EEF1A2: variants seen among roughly 807,000 people sequenced by gnomAD.
EEF1A2 encodes eukaryotic translation elongation factor 1 alpha 2, also known as elongation factor 1-alpha 2.
In EEF1A2, 5 loss-of-function variants were observed where a neutral mutation model predicts 39.3. The ratio of observed to expected loss-of-function variants is 0.13; its 90% CI spans 0.07 to 0.27. The LOEUF is 0.27. Ranked by LOEUF, EEF1A2 falls within the 10% of genes least tolerant of loss-of-function variation. The pLI is 1.00. For synonymous variants in EEF1A2, 287 were observed against 293.7 expected (o/e 0.98, Z 0.23); for missense variants, 218 against 681.4 (o/e 0.32, Z 7.57).
chr20:63,492,331 TAGAA>T (rs1361181413), intron 5 of EEF1A2, among the ~76,000 whole-genome samples: 1 of 145,590 alleles, frequency 6.9e-6, no homozygotes, highest in African/African-American at 2.6e-5. Context: ...GATGGATAGA[TAGAA>T]GGATGGATGG....
intron 5 of EEF1A2, 35 bp from the exon 6 acceptor site, chr20:63,490,770 G>T: frequency 6.3e-7 from 1 of 1,574,864 alleles, no homozygotes. Context: ...GGAAGGTGGG[G>T]CCCGAGGGGA....
rs772263323 is a variant in EEF1A2 at position 63,494,940 on chromosome 20, G to A, written c.486C>T (p.Tyr162=). 3.7e-6 allele frequency: 6 copies of A among 1,612,824 alleles called. No individual in the cohort carries two copies. Residue 162 remains tyrosine, a synonymous_variant, in exon 4 of 8, where the codon TAC becomes TAT. Transcript: ENST00000217182. ...CGATCTCGTCGTAGCGCTTCTCGCT[G>A]TAGGCCGGCTCTGTGGAGTCCATTT... ...VNKMDSTEPA[Y]SEKRYDEIVK...
chr20:63,490,299 T>C lies in EEF1A2; in HGVS notation c.1029+180A>G. The C allele has an allele frequency of 6.9e-6, 5 of 726,352 alleles. No homozygotes were observed. The South Asian group carries it at 7.7e-5, about 11-fold the overall frequency. The allele number at this position is 726,352 out of a possible 1,614,324, so 45.0% of individuals were successfully genotyped here. ...CCAGGATGGACTTGATCTCTTGACC[T>C]CGTGATCTGCCCGCCTCGGCCTCTC... On this transcript the variant is annotated intron_variant, in intron 6 of 7. Coordinates refer to ENST00000217182, the MANE Select transcript of EEF1A2 (RefSeq NM_001958.5).
Position 63,497,791 on chromosome 20 carries a change from G to T in EEF1A2, c.-28C>A. On this transcript the variant is annotated 5_prime_UTR_variant, in exon 2 of 8. Transcript: ENST00000217182. This position sits in a 1 kb window ranked among gnomAD's most constrained non-coding sequence, Gnocchi z 7.3. ...TGCTGGGAGTGTGAGGGGCTGGCGG[G>T]ACCCGGGGTGCTCTGGCTCAGGGCG... 1.9e-6 allele frequency: 3 copies of T among 1,603,714 alleles called. No individual in the cohort carries two copies. Among genetic ancestry groups the T allele is most frequent in the Non-Finnish European group, 2.6e-6 (3 of 1,174,454 alleles).
In EEF1A2 at chr20:63,497,345, T is replaced by C. The variant is rs2082423094; in HGVS notation, c.144+275A>G. ...CAGCCCCAGCTCAACATGGCAGAGTTCCAGAGCCTTCTGCAGACCCTCCCA... is the reference window on the plus strand; with the variant it reads ...CAGCCCCAGCTCAACATGGCAGAGTCCCAGAGCCTTCTGCAGACCCTCCCA... On this transcript the variant is annotated intron_variant, in intron 2 of 7. Transcript: ENST00000217182. The surrounding 1 kb of genome is among the most constrained non-coding windows in gnomAD (Gnocchi z 7.3). 1 of 383,214 alleles carries C rather than the reference T, an allele frequency of 2.6e-6. No homozygotes were observed. Among genetic ancestry groups the C allele is most frequent in the African/African-American group, 2.1e-5 (1 of 48,044 alleles). The allele number at this position is 383,214 out of a possible 1,614,324, so 23.7% of individuals were successfully genotyped here.
intron 3 of EEF1A2, among the ~76,000 whole-genome samples, 165 bp from the exon 4 acceptor site, chr20:63,495,266 G>C (rs2082411662): frequency 6.6e-6 from 1 of 152,236 alleles, no homozygotes; most frequent in African/African-American, 2.4e-5. Flanking sequence ...TTCAAGGGCA[G>C]CATGGGGGCT....
chr20:63,493,427 C>G, intron 4 of EEF1A2, 140 bp from the exon 5 acceptor site: 1 of 965,812 alleles, frequency 1.0e-6, no homozygotes, highest in Non-Finnish European at 1.5e-6. Context: ...ATTTCCCCAC[C>G]CTGCTCCTCC....
chr20:63,492,118 A>G (rs2145941817), intron 5 of EEF1A2, among the ~76,000 whole-genome samples: 1 of 87,430 alleles, frequency 1.1e-5, no homozygotes, highest in African/African-American at 3.7e-5. Flanking sequence ...GGATGGATGG[A>G]TGGATGGATG....
chr20:63,494,718 C>T, intron 4 of EEF1A2, 87 bp downstream of exon 4: 2 of 1,490,546 alleles, frequency 1.3e-6, no homozygotes, highest in Non-Finnish European at 1.8e-6. Context: ...AGGCCCTCGA[C>T]CTCCCCGTGC....
chr20:63,490,725 C>A lies in EEF1A2; in HGVS notation c.783G>T (p.Thr261=). 4 of 1,599,818 alleles carry A rather than the reference C, an allele frequency of 2.5e-6. No individual in the cohort carries two copies. The highest frequency in any genetic ancestry group is 1.7e-6 in the Non-Finnish European group (2 of 1,175,868). The change falls in exon 6 of 8, where the codon ACG becomes ACT. Residue 261 remains threonine (T), a synonymous_variant. Transcript: ENST00000217182. ...QDVYKIGGIG[T]VPVGRVETGI... ...CGGTCTCCACCCGGCCCACGGGCAC[C>A]GTGCCAATGCCTGCAGAGGGGAGGG...
At position 63,488,164 on chromosome 20, in the gene EEF1A2, G is replaced by A. The variant is rs1194742999; in HGVS notation, c.*134C>T. 1 of 456,644 alleles carries A rather than the reference G, an allele frequency of 2.2e-6. No individual in the cohort carries two copies. The highest frequency in any genetic ancestry group is 2.9e-6 in the Non-Finnish European group (1 of 349,086). The allele number at this position is 456,644 out of a possible 1,614,324, so 28.3% of individuals were successfully genotyped here. ...CGCTGACCGAGGGCCTCTGGCAAGCGGAGGTGCAGACATGCGCCTGGCGGG... is the reference window on the plus strand; with the variant it reads ...CGCTGACCGAGGGCCTCTGGCAAGCAGAGGTGCAGACATGCGCCTGGCGGG... On this transcript the variant is annotated 3_prime_UTR_variant, in exon 8 of 8. Coordinates refer to ENST00000217182, the MANE Select transcript of EEF1A2 (RefSeq NM_001958.5).
At position 63,498,912 on chromosome 20, in the gene EEF1A2, C is replaced by T. The variant is rs1039665639; in HGVS notation, c.-72+146G>A. Reference sequence around the variant, plus strand: ...CCCACCCCGGGCCCAGCCCGGCCGACGCGGGGACCCCCGGAAGCCGGACTC... The same window carrying T: ...CCCACCCCGGGCCCAGCCCGGCCGATGCGGGGACCCCCGGAAGCCGGACTC... On this transcript the variant is annotated intron_variant, in intron 1 of 7. Coordinates refer to ENST00000217182, the MANE Select transcript of EEF1A2 (RefSeq NM_001958.5). This position sits in a 1 kb window ranked among gnomAD's most constrained non-coding sequence, Gnocchi z 4.1. The T allele has an allele frequency of 2.0e-5, 3 of 149,718 alleles. No individual in the cohort carries two copies. Among genetic ancestry groups the T allele is most frequent in the Non-Finnish European group, 4.5e-5 (3 of 67,222 alleles). 9.3% of individuals were successfully genotyped at this position (149,718 alleles called of 1,614,324 possible).
In EEF1A2 at chr20:63,497,838, T is replaced by A; in HGVS notation, c.-71-4A>T. 10 of 1,545,560 alleles carry A rather than the reference T, an allele frequency of 6.5e-6. No individual in the cohort carries two copies. The highest frequency in any genetic ancestry group is 1.4e-5 in the African/African-American group (1 of 73,058). On this transcript the variant is annotated splice_polypyrimidine_tract_variant and splice_region_variant and intron_variant, in intron 1 of 7. Coordinates refer to ENST00000217182, the MANE Select transcript of EEF1A2 (RefSeq NM_001958.5). This position sits in a 1 kb window ranked among gnomAD's most constrained non-coding sequence, Gnocchi z 7.3. Reference sequence around the variant, plus strand: ...GGCGAGGGGGGCTGCAGTGATTCTGTGGGGCCAGTGGTGGTGGGGAGACCG... The same window carrying A: ...GGCGAGGGGGGCTGCAGTGATTCTGAGGGGCCAGTGGTGGTGGGGAGACCG...
Position 63,498,661 on chromosome 20 carries a change from T to G in EEF1A2, c.-72+397A>C. The G allele has an allele frequency of 7.0e-6, 1 of 142,476 alleles. No individual in the cohort carries two copies. The highest frequency in any genetic ancestry group is 2.5e-5 in the African/African-American group (1 of 39,802). The allele number at this position is 142,476 out of a possible 1,614,324, so 8.8% of individuals were successfully genotyped here. A position where few individuals can be genotyped will look rare whatever the true frequency, so the allele number is the denominator to read the frequency against. On this transcript the variant is annotated intron_variant, in intron 1 of 7. Coordinates refer to ENST00000217182, the MANE Select transcript of EEF1A2 (RefSeq NM_001958.5). The surrounding 1 kb of genome is among the most constrained non-coding windows in gnomAD (Gnocchi z 4.1). ...ACCCACGCTGCTCCTCGCGGACAGG[T>G]GGCTGGGGGAGGGAAAGAGGACAGA...
rs1476126712 is a variant in EEF1A2, at chr20:63,497,575, G to A, written c.144+45C>T. Reference sequence around the variant, plus strand: ...CCAAGCCTGGCCACCACGGGAGTTGGGGGTTCCTTCTCAGGGGGCCAAGAC... The same window carrying A: ...CCAAGCCTGGCCACCACGGGAGTTGAGGGTTCCTTCTCAGGGGGCCAAGAC... On this transcript the variant is annotated intron_variant, in intron 2 of 7. Coordinates refer to ENST00000217182, the MANE Select transcript of EEF1A2 (RefSeq NM_001958.5). The surrounding 1 kb of genome is among the most constrained non-coding windows in gnomAD (Gnocchi z 7.3). 1.3e-6 allele frequency: 2 copies of A among 1,584,630 alleles called. No homozygotes were observed. Among genetic ancestry groups the A allele is most frequent in the Non-Finnish European group, 1.7e-6 (2 of 1,163,160 alleles).
chr20:63,495,220 C>T (rs1160708051), intron 3 of EEF1A2, 119 bp from the exon 4 acceptor site: 9 of 1,416,466 alleles, frequency 6.4e-6, no homozygotes, highest in Non-Finnish European at 5.6e-6. Flanking sequence ...GAGCAGCCCA[C>T]TGGGGCCTTG....
At chr20:63,488,510 C>A in intron 7 of EEF1A2, 85 bp from the exon 8 acceptor site, 1 of 1,310,934 alleles carries the variant, frequency 7.6e-7, no homozygotes, top group South Asian at 1.9e-5. Context: ...GGGGGCGCAA[C>A]CGCGTCGGGA....
Position 63,495,000 on chromosome 20 carries a change from C to T in EEF1A2, c.426G>A (p.Thr142=), listed in dbSNP as rs751391189. 1.8e-5 allele frequency: 29 copies of T among 1,612,674 alleles called. No homozygotes were observed. Among genetic ancestry groups the T allele is most frequent in the South Asian group, 1.3e-4 (12 of 91,094 alleles). Reference sequence around the variant, plus strand: ...CCACGATGAGCTGCTTCACACCCAGCGTGTAGGCCAGCAGGGCATGCTCCC... The same window carrying T: ...CCACGATGAGCTGCTTCACACCCAGTGTGTAGGCCAGCAGGGCATGCTCCC... ...QTREHALLAY[T]LGVKQLIVGV... Residue 142 remains threonine, a synonymous_variant, in exon 4 of 8, where the codon ACG becomes ACA. Coordinates refer to ENST00000217182, the MANE Select transcript of EEF1A2 (RefSeq NM_001958.5).
At chr20:63,496,884 C>G (rs1335534591) in intron 2 of EEF1A2, 1 of 152,522 alleles carries the variant, frequency 6.6e-6, no homozygotes, top group East Asian at 1.9e-4. Context: ...CCCAACCCCG[C>G]CAGGGCAGAG....
Sources: gnomAD v4.1 joint callset for allele counts (sites outside exome capture counted in the v4.1 genomes callset) on GRCh38, gnomAD v4.1.1 for gene constraint, Gnocchi (gnomAD v3.1) non-coding constraint, MANE v1.5 for transcripts, NCBI Gene and HGNC (gene_info 2026-07-23, HGNC 2026-07-21) for gene names.